DDX56: variants seen among roughly 807,000 people sequenced by gnomAD.
DDX56 encodes the protein probable ATP-dependent RNA helicase DDX56.
DDX56 carries 45 observed loss-of-function variants against 61.5 expected under a neutral mutation model. The ratio of observed to expected loss-of-function variants is 0.73; its 90% CI spans 0.58 to 0.94. The LOEUF (loss-of-function observed/expected upper bound fraction) is 0.94. Ranked by LOEUF, DDX56 falls within the 40% of genes least tolerant of loss-of-function variation. DDX56 has a pLI of 0.00. For missense variants in DDX56, 708 were observed against 690.7 expected, an observed-to-expected ratio of 1.02 and a Z score of -0.28; for synonymous variants, 273 against 268.3, an observed-to-expected ratio of 1.02 and a Z score of -0.17.
chr7:44,568,062 G>A (rs919043930), intron 12 of DDX56, 56 bp downstream of exon 12: 74 of 1,415,340 alleles, frequency 5.2e-5, no homozygotes, highest in Admixed American at 6.9e-5. Context: ...CAGCAGTGGA[G>A]AAATTAATGC....
rs1802705019 is a variant in DDX56 at position 44,572,586 on chromosome 7, T to C, written c.542A>G (p.Lys181Arg). ...LFSFGFEEEL[K>R]SLLCHLPRIY... ...ACCTCTGCCTTACCAGAGGAGACTC[T>C]TGAGCTCTTCTTCAAAGCCAAAGGA... Residue 181 changes from lysine to arginine, a missense_variant, in exon 4 of 14, where the codon AAG becomes AGG. Transcript: ENST00000258772. 1.2e-6 allele frequency: 2 copies of C among 1,614,156 alleles called. No individual in the cohort carries two copies. Among genetic ancestry groups the C allele is most frequent in the Non-Finnish European group, 8.5e-7 (1 of 1,180,040 alleles).
At chr7:44,571,056 G>C (rs1562584580) in intron 6 of DDX56, among the ~76,000 whole-genome samples, 179 bp from the exon 7 acceptor site, 1 of 151,926 alleles carries the variant, frequency 6.6e-6, no homozygotes, top group Non-Finnish European at 1.5e-5. Flanking sequence ...TTGTTTTTTT[G>C]AGACAGAGTT....
In DDX56 at chr7:44,569,794, G is replaced by C. The variant is rs182123859; in HGVS notation, c.1219+15C>G. On this transcript the variant is annotated intron_variant, in intron 9 of 13. Transcript: ENST00000258772. ...GCCTGACCCTGGCCCAGGACCACAA[G>C]AGCCAGGCTCTTACCTCCACTGAGA... The C allele has an allele frequency of 1.5e-4, 241 of 1,597,896 alleles. No homozygotes were observed. In the African/African-American group the frequency reaches 2.8e-3, roughly 19 times the overall value.
Position 44,568,983 on chromosome 7 carries a change from G to T in DDX56, c.1303C>A (p.Arg435Ser), listed in dbSNP as rs763386471. Residue 435 changes from arginine (R) to serine (S), a missense_variant, in exon 11 of 14, where the codon CGC becomes AGC. Arg to Ser is a moderately radical substitution (Grantham distance 110). Coordinates refer to ENST00000258772, the MANE Select transcript of DDX56 (RefSeq NM_019082.4). Reference sequence around the variant, plus strand: ...CGAATGGCCTGCTTAGTCACTGAGCGCATGGCATCCTGGGGGTGGACACTG... The same window carrying T: ...CGAATGGCCTGCTTAGTCACTGAGCTCATGGCATCCTGGGGGTGGACACTG... ...GFRYRCRDAM[R>S]SVTKQAIREA... 6.2e-7 allele frequency: 1 copy of T among 1,613,966 alleles called. No individual in the cohort carries two copies. Among genetic ancestry groups the T allele is most frequent in the South Asian group, 1.1e-5 (1 of 91,088 alleles).
chr7:44,569,140 T>C lies in DDX56; in HGVS notation c.1283A>G (p.Tyr428Cys), dbSNP rs939189465. The C allele has an allele frequency of 6.2e-7, 1 of 1,613,836 alleles. No individual in the cohort carries two copies. Among genetic ancestry groups the C allele is most frequent in the Non-Finnish European group, 8.5e-7 (1 of 1,179,740 alleles). ...ACCACAGCAGCTCACCCTGCAGCGA[T>C]AGCGGAAGCCCTCGATCTCCTCCAT... ...FRMEEIEGFR[Y>C]RCRDAMRSVT... Residue 428 changes from tyrosine (Y) to cysteine (C), a missense_variant, in exon 10 of 14, where the codon TAT (tyrosine) becomes TGT (cysteine). Transcript: ENST00000258772.
At position 44,571,705 on chromosome 7, in the gene DDX56, G is replaced by A. The variant is rs537020657; in HGVS notation, c.677C>T (p.Pro226Leu). 6.8e-6 allele frequency: 11 copies of A among 1,614,084 alleles called. No individual in the cohort carries two copies. The highest frequency in any genetic ancestry group is 4.5e-5 in the East Asian group (2 of 44,884). Residue 226 changes from proline (P) to leucine (L), a missense_variant, in exon 6 of 14, where the codon CCT (proline) becomes CTT (leucine). Coordinates refer to ENST00000258772, the MANE Select transcript of DDX56 (RefSeq NM_019082.4). ...VTLKLQESQLPGPDQLQQFQV... is the reference protein window; with the variant it reads ...VTLKLQESQLLGPDQLQQFQV... ...AAACTGCTGTAACTGGTCTGGCCCA[G>A]GCAGCTGGGACTCCTGTAACTTAAG...
At chr7:44,572,264 C>T (rs1401597168) in intron 5 of DDX56, 83 bp downstream of exon 5, 7 of 1,227,898 alleles carry the variant, frequency 5.7e-6, no homozygotes, top group Non-Finnish European at 8.3e-6. Flanking sequence ...CCCAAAACAC[C>T]AAAGAATCCC....
At chr7:44,569,302 G>T (rs1476341909) in intron 9 of DDX56, 99 bp from the exon 10 acceptor site, 2 of 1,153,722 alleles carry the variant, frequency 1.7e-6, no homozygotes, top group African/African-American at 3.1e-5. Flanking sequence ...GAAAGCAGCA[G>T]GGGACCCACC....
intron 13 of DDX56, 113 bp downstream of exon 13, chr7:44,566,335 C>T: frequency 9.3e-7 from 1 of 1,070,306 alleles, no homozygotes; most frequent in South Asian, 1.4e-5. Flanking sequence ...CTTCCCCTCC[C>T]TAGGGCACCC....
In DDX56 at chr7:44,571,518, G is replaced by A. The variant is rs758349449; in HGVS notation, c.864C>T (p.Leu288=). The change falls in exon 6 of 14, where the codon CTC becomes CTT. Residue 288 remains leucine, a synonymous_variant. Coordinates refer to ENST00000258772, the MANE Select transcript of DDX56 (RefSeq NM_019082.4). ...LEQFSIPTCV[L]NGELPLRSRC... ...TGGAGCGCAGTGGAAGCTCTCCATTGAGCACACAGGTGGGGATGCTGAACT... is the reference window on the plus strand; with the variant it reads ...TGGAGCGCAGTGGAAGCTCTCCATTAAGCACACAGGTGGGGATGCTGAACT... 9 of 1,614,074 alleles carry A rather than the reference G, an allele frequency of 5.6e-6. No individual in the cohort carries two copies. The highest frequency in any genetic ancestry group is 7.6e-6 in the Non-Finnish European group (9 of 1,180,030).
chr7:44,569,644 A>C (rs527353831), intron 9 of DDX56, 165 bp downstream of exon 9: 13 of 657,190 alleles, frequency 2.0e-5, no homozygotes, highest in East Asian at 1.9e-4. Context: ...CAATTTGTTT[A>C]TCTCTCAAGG....
chr7:44,571,170 C>T (rs1015394790), intron 6 of DDX56, among the ~76,000 whole-genome samples: 5 of 152,352 alleles, frequency 3.3e-5, no homozygotes, highest in African/African-American at 1.2e-4. Flanking sequence ...TCCTGAGTAG[C>T]TGGGATTACA....
At chr7:44,573,525 C>G (rs1562585962) in intron 2 of DDX56, 58 bp downstream of exon 2, 1 of 1,588,146 alleles carries the variant, frequency 6.3e-7, no homozygotes, top group Non-Finnish European at 8.6e-7. Flanking sequence ...ACGGGAACCG[C>G]CCTTCCCAGG....
intron 13 of DDX56, 126 bp from the exon 14 acceptor site, chr7:44,566,205 T>A: frequency 1.6e-6 from 1 of 636,152 alleles, no homozygotes; most frequent in Non-Finnish European, 2.6e-6. Context: ...GACCAGAAGG[T>A]GCTGCAGATA....
intron 6 of DDX56, 148 bp from the exon 7 acceptor site, chr7:44,571,025 G>T: frequency 9.1e-7 from 1 of 1,102,904 alleles, no homozygotes; most frequent in Non-Finnish European, 1.2e-6. Context: ...AGTTTCCTCA[G>T]CTGGAAATAA....
intron 7 of DDX56, 121 bp downstream of exon 7, chr7:44,570,637 A>T: frequency 7.4e-7 from 1 of 1,343,556 alleles, no homozygotes; most frequent in Non-Finnish European, 1.0e-6. Context: ...TCTCTGGGCT[A>T]CACTACCAGC....
In DDX56 at chr7:44,570,892, G is replaced by A. The variant is rs116353500; in HGVS notation, c.891-15C>T. 325 of 1,606,650 alleles carry A rather than the reference G, an allele frequency of 2.0e-4. 3 individuals carry two copies. In the African/African-American group the frequency reaches 3.4e-3, roughly 17 times the overall value. ...TGATGTGGCACCTGCAGCCAAGAGC[G>A]GACAGAGAATCAGCTCAGCAGAGCA... On this transcript the variant is annotated splice_polypyrimidine_tract_variant and intron_variant, in intron 6 of 13. Transcript: ENST00000258772.
chr7:44,571,671 G>C lies in DDX56; in HGVS notation c.711C>G (p.Val237=). Residue 237 remains valine (V), a synonymous_variant, in exon 6 of 14, where the codon GTC becomes GTG. Transcript: ENST00000258772. The part of the protein sequence containing the change: ...GPDQLQQFQV[V]CETEEDKFLL... Reference sequence around the variant, plus strand: ...GGAATTTGTCTTCCTCAGTCTCACAGACCACCTGAAACTGCTGTAACTGGT... The same window carrying C: ...GGAATTTGTCTTCCTCAGTCTCACACACCACCTGAAACTGCTGTAACTGGT... The C allele has an allele frequency of 6.2e-7, 1 of 1,614,126 alleles. No individual in the cohort carries two copies. Among genetic ancestry groups the C allele is most frequent in the African/African-American group, 1.3e-5 (1 of 75,052 alleles).
Position 44,572,645 on chromosome 7 carries a change from C to T in DDX56, c.483G>A (p.Glu161=). ...QDSLKLRDSL[E]LLVVDEADLL... ...GGTCAGCTTCGTCCACCACCAAAAG[C>T]TCCAGGGAGTCACGAAGTTTCAGGC... Residue 161 remains glutamate, a synonymous_variant, in exon 4 of 14, where the codon GAG becomes GAA. Transcript: ENST00000258772. 6.2e-7 allele frequency: 1 copy of T among 1,614,206 alleles called. No individual in the cohort carries two copies. The highest frequency in any genetic ancestry group is 8.5e-7 in the Non-Finnish European group (1 of 1,180,042).
Sources: gnomAD v4.1 joint callset for allele counts (sites outside exome capture counted in the v4.1 genomes callset) on GRCh38, gnomAD v4.1.1 for gene constraint, MANE v1.5 for transcripts, NCBI Gene and HGNC (gene_info 2026-07-23, HGNC 2026-07-21) for gene names.